The following MEI4 variants were observed in gnomAD, a reference collection of about 807,000 sequenced individuals.
MEI4 encodes the protein meiotic double-stranded break formation protein 4.
Under a neutral mutation model 31.4 loss-of-function variants are expected in MEI4, and 27 were observed. That is an observed-to-expected ratio of 0.86 (90% CI 0.63 to 1.19). MEI4 has a LOEUF of 1.19. Ranked by LOEUF, MEI4 falls within the 50% of genes most tolerant of loss-of-function variation. The pLI is 0.00. For missense variants in MEI4, 329 were observed against 398.9 expected (o/e 0.82, Z 1.49); for synonymous variants, 122 against 145.4 (o/e 0.84, Z 1.16).
At chr6:77,765,717 G>T (rs974617376) in intron 3 of MEI4, among the ~76,000 whole-genome samples, 3 of 150,252 alleles carry the variant, frequency 2.0e-5, no homozygotes, top group Non-Finnish European at 4.4e-5. Context: ...AAATCATGCT[G>T]CTATAAAGAC....
At chr6:77,808,553 TA>T (rs1185092667) in intron 3 of MEI4, among the ~76,000 whole-genome samples, 1 of 152,114 alleles carries the variant, frequency 6.6e-6, no homozygotes, top group Admixed American at 6.5e-5. Flanking sequence ...GGTCCTGGGT[TA>T]GTCTGGTATT....
At chr6:77,915,996 A>G (rs1209370396) in intron 4 of MEI4, among the ~76,000 whole-genome samples, 3 of 152,032 alleles carry the variant, frequency 2.0e-5, no homozygotes, top group African/African-American at 7.2e-5. Context: ...GTTGTTTCAA[A>G]AAACCTATTT....
intron 2 of MEI4, among the ~76,000 whole-genome samples, chr6:77,736,965 G>A (rs1268461991): frequency 6.6e-6 from 1 of 152,146 alleles, no homozygotes; most frequent in Non-Finnish European, 1.5e-5. Flanking sequence ...GTAAAGTATA[G>A]GTAGAGGAAT....
intron 2 of MEI4, among the ~76,000 whole-genome samples, chr6:77,726,657 G>A (rs1766830101): frequency 6.6e-6 from 1 of 151,902 alleles, no homozygotes; most frequent in African/African-American, 2.4e-5. Flanking sequence ...TAGGCCTGGT[G>A]TAAAATCTAC....
At chr6:77,716,017 AC>A (rs1766574642) in intron 2 of MEI4, among the ~76,000 whole-genome samples, 1 of 152,170 alleles carries the variant, frequency 6.6e-6, no homozygotes, top group Non-Finnish European at 1.5e-5. Context: ...CTTTTGTAAT[AC>A]GTTTTTAAAG....
At chr6:77,829,091 A>G (rs2127711336) in intron 4 of MEI4, 29 bp downstream of exon 4, 1 of 1,224,602 alleles carries the variant, frequency 8.2e-7, no homozygotes, top group Middle Eastern at 3.1e-4. Context: ...TGTAGTTCTC[A>G]TATATAGTTA....
rs567369970 is a variant in MEI4, at chr6:77,731,448, G to A, written c.233-29682G>A. On this transcript the variant is annotated intron_variant, in intron 2 of 4. Coordinates refer to ENST00000684080, the MANE Select transcript of MEI4 (RefSeq NM_001322247.2). ...CTTCTTTTGAGAAGTGTCTGTTCATGTCCTTTGCCCACTTTTTGATGGGGT... is the reference window on the plus strand; with the variant it reads ...CTTCTTTTGAGAAGTGTCTGTTCATATCCTTTGCCCACTTTTTGATGGGGT... 5.3e-5 allele frequency among the ~76,000 whole-genome samples: 8 copies of A among 150,772 alleles called. No individual in the cohort carries two copies. In the South Asian group the frequency reaches 1.3e-3, roughly 24 times the overall value.
At chr6:77,895,387 C>T (rs1323814999) in intron 4 of MEI4, among the ~76,000 whole-genome samples, 1 of 152,104 alleles carries the variant, frequency 6.6e-6, no homozygotes, top group South Asian at 2.1e-4. Context: ...TGTCTCAATG[C>T]ATCATCACTA....
chr6:77,716,359 G>A (rs1034618238), intron 2 of MEI4, among the ~76,000 whole-genome samples: 1 of 152,182 alleles, frequency 6.6e-6, no homozygotes, highest in African/African-American at 2.4e-5. Context: ...ACCACAAGGT[G>A]TGGAAGTGAA....
intron 2 of MEI4, among the ~76,000 whole-genome samples, chr6:77,727,212 G>T (rs1387614235): frequency 6.6e-6 from 1 of 152,132 alleles, no homozygotes; most frequent in East Asian, 1.9e-4. Context: ...GGGTATTCCT[G>T]GCACCCTGGG....
intron 4 of MEI4, among the ~76,000 whole-genome samples, chr6:77,916,876 G>T (rs572784442): frequency 1.9e-4 from 29 of 151,108 alleles, no homozygotes; most frequent in African/African-American, 6.8e-4. Flanking sequence ...CCACTAACTC[G>T]TCATCTAGCA....
intron 4 of MEI4, among the ~76,000 whole-genome samples, chr6:77,841,942 A>G (rs1016717558): frequency 6.6e-6 from 1 of 152,170 alleles, no homozygotes; most frequent in African/African-American, 2.4e-5. Flanking sequence ...CAAATCGTGA[A>G]GCAAAAATTG....
intron 3 of MEI4, among the ~76,000 whole-genome samples, chr6:77,800,376 C>T (rs1182775273): frequency 6.6e-6 from 1 of 152,130 alleles, no homozygotes; most frequent in Non-Finnish European, 1.5e-5. Context: ...AGTTGCCTAT[C>T]AGCTTAAGGA....
chr6:77,819,917 A>G (rs1268824494), intron 3 of MEI4, among the ~76,000 whole-genome samples: 1 of 152,122 alleles, frequency 6.6e-6, no homozygotes, highest in African/African-American at 2.4e-5. Context: ...TTCTTCTTCA[A>G]GAACTTTTAG....
At chr6:77,680,282 A>G (rs1417690744) in intron 1 of MEI4, among the ~76,000 whole-genome samples, 1 of 150,650 alleles carries the variant, frequency 6.6e-6, no homozygotes, top group Admixed American at 6.6e-5. Flanking sequence ...CTCAAAAAAT[A>G]AAAAATAAAA....
chr6:77,688,224 A>G (rs1360747225), intron 1 of MEI4, among the ~76,000 whole-genome samples: 1 of 152,164 alleles, frequency 6.6e-6, no homozygotes, highest in African/African-American at 2.4e-5. Flanking sequence ...TTAAGAAGGC[A>G]TACATTTATA....
chr6:77,731,026 G>A (rs1161048048), intron 2 of MEI4, among the ~76,000 whole-genome samples: 24 of 151,050 alleles, frequency 1.6e-4, no homozygotes, highest in South Asian at 1.0e-3. Context: ...CCAGTCTATT[G>A]TTGTTGGACA....
At chr6:77,658,454 G>A (rs1179135931) in intron 1 of MEI4, among the ~76,000 whole-genome samples, 1 of 152,092 alleles carries the variant, frequency 6.6e-6, no homozygotes, top group South Asian at 2.1e-4. Flanking sequence ...TGGGCTCAGA[G>A]GCCTGACATT....
upstream of MEI4, among the ~76,000 whole-genome samples, chr6:77,651,350 GAA>G (rs1487039328): frequency 1.6e-4 from 24 of 152,220 alleles, no homozygotes; most frequent in Non-Finnish European, 2.5e-4. Flanking sequence ...ATCTTGGACT[GAA>G]AAGCTTTGAA....
Sources: allele counts gnomAD v4.1 joint callset (sites outside exome capture counted in the v4.1 genomes callset), GRCh38; gene constraint gnomAD v4.1.1; transcripts MANE v1.5; gene names NCBI Gene and HGNC (gene_info 2026-07-23, HGNC 2026-07-21).